Variants in CCDC110 observed in about 807,000 individuals in gnomAD.
The protein encoded by CCDC110 is coiled-coil domain containing 110.
Under a neutral mutation model 77.1 loss-of-function variants are expected in CCDC110, and 70 were observed. That is an observed-to-expected ratio of 0.91 (90% CI 0.75 to 1.11). CCDC110 has a LOEUF of 1.11. Among genes scored for constraint, CCDC110 ranks in the 50% least tolerant of loss-of-function variants. The pLI is 0.00. For synonymous variants in CCDC110, 295 were observed against 312.5 expected, an observed-to-expected ratio of 0.94 and a Z score of 0.59; for missense variants, 868 against 942.9, an observed-to-expected ratio of 0.92 and a Z score of 1.04.
At chr4:185,460,902 A>G in intron 5 of CCDC110, 147 bp downstream of exon 5, 1 of 592,708 alleles carries the variant, frequency 1.7e-6, no homozygotes, top group Non-Finnish European at 3.3e-6. Context: ...ACATCTTTTA[A>G]GGTTTTCAGG....
chr4:185,452,672 A>G (rs2153318619), intron 6 of CCDC110, among the ~76,000 whole-genome samples: 1 of 152,292 alleles, frequency 6.6e-6, no homozygotes, highest in East Asian at 1.9e-4. Flanking sequence ...AGATGGGTGA[A>G]TTACTTGAGG....
At chr4:185,450,439 CCTAT>C (rs1398061787) in intron 6 of CCDC110, among the ~76,000 whole-genome samples, 4 of 152,110 alleles carry the variant, frequency 2.6e-5, no homozygotes, top group Admixed American at 2.6e-4. Context: ...CTTCACCTGC[CCTAT>C]CTCTTTTAAA....
intron 6 of CCDC110, among the ~76,000 whole-genome samples, chr4:185,450,458 T>C (rs2095627168): frequency 6.6e-6 from 1 of 152,160 alleles, no homozygotes; most frequent in Admixed American, 6.5e-5. Flanking sequence ...TTTAAAAATA[T>C]CTGCTCTAAG....
chr4:185,454,891 T>G (rs956753435), intron 6 of CCDC110, among the ~76,000 whole-genome samples: 1 of 151,988 alleles, frequency 6.6e-6, no homozygotes, highest in Non-Finnish European at 1.5e-5. Context: ...GCCTCCTGAG[T>G]AGCTGGGACT....
Position 185,460,136 on chromosome 4 carries a change from C to G in CCDC110, c.451G>C (p.Val151Leu). Residue 151 changes from valine to leucine, a missense_variant, in exon 6 of 7, where the codon GTG becomes CTG. By Grantham distance (32) the Val-to-Leu change is conservative. Transcript: ENST00000307588. ...SVEEKLSGDSVNSLPQSVNVP... is the reference protein window; with the variant it reads ...SVEEKLSGDSLNSLPQSVNVP... ...TTTACACTTTGAGGGAGACTGTTCA[C>G]ACTATCACCACTTAATTTTTCTTCC... 1.2e-6 allele frequency: 2 copies of G among 1,613,352 alleles called. No homozygotes were observed. Among genetic ancestry groups the G allele is most frequent in the Non-Finnish European group, 1.7e-6 (2 of 1,179,878 alleles).
In CCDC110 at chr4:185,458,453, TG is replaced by T. The variant is rs747105724; in HGVS notation, c.2133del (p.Thr713GlnfsTer6). Reference protein sequence around the residue: ...CEMLSKMVMETKTDNQILKEE... With the variant: ...CEMLSKMVMEXKTDNQILKEE... ...TCTTTTAGAATCTGATTATCTGTTT[TG>T]GTTTCCATTACCATTTTTGATAACA... On this transcript the variant is annotated frameshift_variant, in exon 6 of 7. Coordinates refer to ENST00000307588, the MANE Select transcript of CCDC110 (RefSeq NM_152775.4). LOFTEE classifies it high-confidence loss of function. The T allele has an allele frequency of 6.3e-7, 1 of 1,599,590 alleles. No individual in the cohort carries two copies. The highest frequency in any genetic ancestry group is 1.8e-5 in the Admixed American group (1 of 57,030).
intron 6 of CCDC110, among the ~76,000 whole-genome samples, chr4:185,451,582 T>C (rs2095629304): frequency 6.6e-6 from 1 of 152,238 alleles, no homozygotes; most frequent in South Asian, 2.1e-4. Flanking sequence ...TAATATTGAA[T>C]ACATTTGTCT....
Position 185,445,508 on chromosome 4 carries a change from A to T in CCDC110, c.2496T>A (p.His832Gln). 6.3e-7 allele frequency: 1 copy of T among 1,578,546 alleles called. No homozygotes were observed. The highest frequency in any genetic ancestry group is 8.7e-7 in the Non-Finnish European group (1 of 1,153,592). ...TTAGCAATCTTGAGGAATCCTAATG[A>T]TGCTTGAGAGTTCTGTCTTTAACTT... is the stretch of plus-strand genomic sequence containing the variant. Reference protein sequence around the residue: ...YFKVKDRTLKHH With the variant: ...YFKVKDRTLKQH The change falls in exon 7 of 7, where the codon CAT becomes CAA. Residue 832 changes from histidine to glutamine, a missense_variant. Coordinates refer to ENST00000307588, the MANE Select transcript of CCDC110 (RefSeq NM_152775.4).
At chr4:185,462,336 C>T (rs896839653) in intron 4 of CCDC110, among the ~76,000 whole-genome samples, 3 of 152,146 alleles carry the variant, frequency 2.0e-5, no homozygotes, top group Non-Finnish European at 4.4e-5. Flanking sequence ...TATTTTTTCC[C>T]TAAGCCAGTT....
At chr4:185,457,971 C>A in intron 6 of CCDC110, 155 bp downstream of exon 6, 3 of 634,122 alleles carry the variant, frequency 4.7e-6, no homozygotes, top group Non-Finnish European at 7.2e-6. Context: ...GAAAAAATTC[C>A]TAAATAATTT....
intron 6 of CCDC110, chr4:185,457,726 A>C (rs2095638057): frequency 1.6e-6 from 2 of 1,289,472 alleles, no homozygotes; most frequent in Admixed American, 3.3e-5. Flanking sequence ...GGGGGGAAAA[A>C]GTACTTGGAC....
rs548518414 is a variant in CCDC110, at chr4:185,465,776, G to A, written c.116-2727C>T. On this transcript the variant is annotated intron_variant, in intron 2 of 6. Transcript: ENST00000307588. ...ATATCTTGGACTAGAATGGTGGTGG[G>A]GGAGGTGGGGAAAGCAGGTAGATTC... Among the ~76,000 whole-genome samples the A allele has an allele frequency of 5.3e-5, 8 of 152,304 alleles. No individual in the cohort carries two copies. The South Asian group carries it at 6.2e-4, about 12-fold the overall frequency.
At chr4:185,452,130 CTCT>C (rs2095630076) in intron 6 of CCDC110, 2 of 907,236 alleles carry the variant, frequency 2.2e-6, no homozygotes, top group Non-Finnish European at 1.3e-6. Flanking sequence ...CAATTGTTGT[CTCT>C]TCTTTTAACT....
intron 6 of CCDC110, among the ~76,000 whole-genome samples, chr4:185,453,663 G>T (rs1279532124): frequency 6.7e-6 from 1 of 149,704 alleles, no homozygotes; most frequent in Non-Finnish European, 1.5e-5. Flanking sequence ...TCCTGCCACA[G>T]CCTCCTAAGT....
chr4:185,471,670 T>G lies in CCDC110; in HGVS notation c.10+4A>C. 3 of 1,557,910 alleles carry G rather than the reference T, an allele frequency of 1.9e-6. No homozygotes were observed. On this transcript the variant is annotated splice_donor_region_variant and intron_variant, in intron 1 of 6. Transcript: ENST00000307588. ...CTAGGAGCCCCGCCCCGTCCAACTC[T>G]TACCCGGGCTCATCGCCGCGGCTCA... is the stretch of plus-strand genomic sequence containing the variant.
intron 1 of CCDC110, chr4:185,471,465 G>T: frequency 2.0e-6 from 1 of 506,684 alleles, no homozygotes; most frequent in South Asian, 3.6e-5. Flanking sequence ...GGCGGCGGCA[G>T]ACCACGTAGC....
intron 2 of CCDC110, among the ~76,000 whole-genome samples, chr4:185,466,586 T>C (rs1344300261): frequency 2.0e-5 from 3 of 151,810 alleles, no homozygotes; most frequent in Non-Finnish European, 4.4e-5. Flanking sequence ...TTTTCTTTTT[T>C]TGAGATGGAG....
At chr4:185,456,247 A>G (rs930651945) in intron 6 of CCDC110, among the ~76,000 whole-genome samples, 2 of 152,224 alleles carry the variant, frequency 1.3e-5, no homozygotes, top group South Asian at 2.1e-4. Flanking sequence ...CTCACTTCCA[A>G]TCCATTGGGT....
Position 185,449,994 on chromosome 4 carries a change from A to G in CCDC110, c.2462-4452T>C, listed in dbSNP as rs114664620. Among the ~76,000 whole-genome samples, 992 of 152,340 alleles carry G rather than the reference A, an allele frequency of 6.5e-3. 8 individuals carry two copies. Among genetic ancestry groups the G allele is most frequent in the African/African-American group, 0.022 (919 of 41,578 alleles). On this transcript the variant is annotated intron_variant, in intron 6 of 6. Transcript: ENST00000307588. ...AGAGACTGCTGGAAGGGTAGAAAGTATACAATAAATTCTTGCTGTTTCTTC... is the reference window on the plus strand; with the variant it reads ...AGAGACTGCTGGAAGGGTAGAAAGTGTACAATAAATTCTTGCTGTTTCTTC...
Sources: allele counts gnomAD v4.1 joint callset (sites outside exome capture counted in the v4.1 genomes callset), GRCh38; gene constraint gnomAD v4.1.1; transcripts MANE v1.5; gene names NCBI Gene and HGNC (gene_info 2026-07-23, HGNC 2026-07-21).